CTNND2: variants seen among roughly 807,000 people sequenced by gnomAD.
CTNND2 encodes the protein catenin delta 2, also known as catenin delta-2.
Under a neutral mutation model 144.4 loss-of-function variants are expected in CTNND2, and 22 were observed. The observed-to-expected ratio is 0.15, with a 90% CI of 0.11 to 0.22. The LOEUF (loss-of-function observed/expected upper bound fraction) is 0.22, where lower values mean the gene tolerates loss of function less well. Ranked by LOEUF, CTNND2 falls within the 10% of genes least tolerant of loss-of-function variation. The probability of loss-of-function intolerance (pLI) is 1.00; values close to 1 mark genes in which losing one functional copy is unlikely to be tolerated. For missense variants in CTNND2, 1,353 were observed against 1,618.8 expected (o/e 0.84, Z 2.82); for synonymous variants, 751 against 695.6 (o/e 1.08, Z -1.25).
At chr5:11,775,589 C>G (rs1790207387) in intron 1 of CTNND2, among the ~76,000 whole-genome samples, 1 of 152,160 alleles carries the variant, frequency 6.6e-6, no homozygotes, top group Non-Finnish European at 1.5e-5. Flanking sequence ...TGCAATATCA[C>G]AAGGAGAGCT....
chr5:11,282,446 G>A (rs756343295), intron 9 of CTNND2, among the ~76,000 whole-genome samples: 13 of 152,138 alleles, frequency 8.5e-5, no homozygotes, highest in Non-Finnish European at 1.6e-4. Flanking sequence ...AGATAATCAC[G>A]TGTTGTTTTG....
At chr5:11,827,151 T>C (rs1793647108) in intron 1 of CTNND2, among the ~76,000 whole-genome samples, 2 of 152,172 alleles carry the variant, frequency 1.3e-5, no homozygotes, top group Admixed American at 1.3e-4. Context: ...GAAATTAAGT[T>C]TGCAACTTAC....
chr5:11,273,500 A>G (rs554720034), intron 9 of CTNND2, among the ~76,000 whole-genome samples: 3 of 152,370 alleles, frequency 2.0e-5, no homozygotes, highest in African/African-American at 7.2e-5. Context: ...CATTAAAAAT[A>G]ACTTTGCATT....
chr5:11,195,445 G>C (rs911808001), intron 11 of CTNND2, among the ~76,000 whole-genome samples: 3 of 152,190 alleles, frequency 2.0e-5, no homozygotes, highest in Non-Finnish European at 4.4e-5. Context: ...TGCAGGTCTG[G>C]AGAGCAATAT....
chr5:11,469,790 C>T (rs1766996424), intron 3 of CTNND2, among the ~76,000 whole-genome samples: 3 of 151,968 alleles, frequency 2.0e-5, no homozygotes, highest in African/African-American at 7.3e-5. Flanking sequence ...ATCTTGAAAG[C>T]CATCATCGTA....
chr5:11,585,403 G>A (rs1778770761), intron 2 of CTNND2, among the ~76,000 whole-genome samples: 1 of 151,722 alleles, frequency 6.6e-6, no homozygotes, highest in African/African-American at 2.4e-5. Flanking sequence ...TATATTTGAT[G>A]TTAGAAAAAA....
intron 6 of CTNND2, among the ~76,000 whole-genome samples, chr5:11,391,710 G>A (rs542487139): frequency 6.6e-6 from 1 of 152,174 alleles, no homozygotes; most frequent in Non-Finnish European, 1.5e-5. Flanking sequence ...CTCTTGAGGG[G>A]TGCTGGTTTT....
At chr5:11,130,639 G>C (rs545646388) in intron 12 of CTNND2, among the ~76,000 whole-genome samples, 1 of 152,256 alleles carries the variant, frequency 6.6e-6, no homozygotes, top group East Asian at 1.9e-4. Flanking sequence ...CTAATTGTGC[G>C]GGTGGCCCTT....
chr5:11,816,320 G>GAAACTTT (rs1792652558), intron 1 of CTNND2, among the ~76,000 whole-genome samples: 1 of 152,046 alleles, frequency 6.6e-6, no homozygotes, highest in African/African-American at 2.4e-5. Flanking sequence ...GAGAGATCCT[G>GAAACTTT]TCCCCAAGGG....
At chr5:11,487,297 A>G (rs1345885005) in intron 3 of CTNND2, among the ~76,000 whole-genome samples, 1 of 152,232 alleles carries the variant, frequency 6.6e-6, no homozygotes, top group Non-Finnish European at 1.5e-5. Context: ...TAATACATAC[A>G]CACAGCGACA....
intron 13 of CTNND2, among the ~76,000 whole-genome samples, chr5:11,111,726 G>T (rs187569032): frequency 1.1e-4 from 16 of 152,276 alleles, no homozygotes; most frequent in Non-Finnish European, 1.9e-4. Context: ...TGACATCTCT[G>T]GGACATGGTG....
intron 3 of CTNND2, among the ~76,000 whole-genome samples, chr5:11,522,973 C>A (rs561750190): frequency 5.3e-5 from 8 of 152,310 alleles, no homozygotes; most frequent in Admixed American, 2.0e-4. Context: ...AGCATATATT[C>A]TCCAACATTT....
chr5:11,276,782 G>A (rs1173221843), intron 9 of CTNND2, among the ~76,000 whole-genome samples: 3 of 152,190 alleles, frequency 2.0e-5, no homozygotes, highest in South Asian at 2.1e-4. Flanking sequence ...AGGAGAAAGA[G>A]ATTCGTGACA....
chr5:11,021,757 C>T (rs748406970), intron 17 of CTNND2, among the ~76,000 whole-genome samples: 3 of 150,912 alleles, frequency 2.0e-5, no homozygotes, highest in Admixed American at 1.3e-4. Flanking sequence ...TTTCAAAGTG[C>T]GTCCCTCAAA....
intron 3 of CTNND2, among the ~76,000 whole-genome samples, chr5:11,555,477 G>T (rs984698620): frequency 2.0e-5 from 3 of 152,130 alleles, no homozygotes; most frequent in Non-Finnish European, 4.4e-5. Context: ...GAGCTTCCCT[G>T]TTAAAGAAGC....
At chr5:11,157,320 G>A (rs187177654) in intron 12 of CTNND2, among the ~76,000 whole-genome samples, 6 of 152,270 alleles carry the variant, frequency 3.9e-5, no homozygotes, top group Admixed American at 3.3e-4. Context: ...CTTTCCCATT[G>A]CATCATTTCT....
At chr5:11,900,674 G>A (rs1431071394) in intron 1 of CTNND2, among the ~76,000 whole-genome samples, 1 of 152,126 alleles carries the variant, frequency 6.6e-6, no homozygotes, top group African/African-American at 2.4e-5. Flanking sequence ...AAGTACTGTG[G>A]ACAGGAGAAC....
At chr5:11,600,768 C>T (rs902144488) in intron 2 of CTNND2, among the ~76,000 whole-genome samples, 41 of 148,538 alleles carry the variant, frequency 2.8e-4, no homozygotes, top group African/African-American at 9.0e-4. Flanking sequence ...AATTATTGGG[C>T]AGAACACTCC....
intron 1 of CTNND2, among the ~76,000 whole-genome samples, chr5:11,895,513 G>C (rs73052558): frequency 0.028 from 4,332 of 152,190 alleles, 207 homozygotes; most frequent in African/African-American, 0.099. Context: ...AGTCAGTTGG[G>C]GTACAACTTT....
Sources: allele counts gnomAD v4.1 joint callset (sites outside exome capture counted in the v4.1 genomes callset), GRCh38; gene constraint gnomAD v4.1.1; transcripts MANE v1.5; gene names NCBI Gene and HGNC (gene_info 2026-07-23, HGNC 2026-07-21).